The following XYLT1 variants were observed in gnomAD, a reference collection of about 807,000 sequenced individuals.
XYLT1 encodes the protein beta-D-xylosyltransferase 1.
A neutral mutation model predicts 91.3 loss-of-function variants in XYLT1; 36 were observed. The ratio of observed to expected loss-of-function variants is 0.39; its 90% CI spans 0.30 to 0.52. The LOEUF (loss-of-function observed/expected upper bound fraction) is 0.52, where lower values mean the gene tolerates loss of function less well. Ranked by LOEUF, XYLT1 falls within the 20% of genes least tolerant of loss-of-function variation. The pLI is 0.68. For synonymous variants in XYLT1, 588 were observed against 532.0 expected (o/e 1.11, Z -1.45); for missense variants, 1,242 against 1,284.5 (o/e 0.97, Z 0.51).
chr16:17,253,859 A>AGAGC (rs1555491315), intron 3 of XYLT1, among the ~76,000 whole-genome samples: 11,666 of 146,058 alleles, frequency 0.08, 574 homozygotes, highest in Middle Eastern at 0.1. Flanking sequence ...AGAGAGAGAG[A>AGAGC]GAGCGAGCCT....
chr16:17,397,827 CTTTTTT>C (rs749199983), intron 1 of XYLT1, among the ~76,000 whole-genome samples: 1 of 108,730 alleles, frequency 9.2e-6, no homozygotes. Flanking sequence ...TTGAATAGCT[CTTTTTT>C]TTTTTTTTTT....
intron 1 of XYLT1, among the ~76,000 whole-genome samples, chr16:17,426,802 G>C (rs568470670): frequency 6.6e-6 from 1 of 152,260 alleles, no homozygotes; most frequent in South Asian, 2.1e-4. Flanking sequence ...AACATTCACA[G>C]ACCTCTCATA....
At chr16:17,125,310 G>C (rs1204690366) in intron 10 of XYLT1, among the ~76,000 whole-genome samples, 1 of 152,138 alleles carries the variant, frequency 6.6e-6, no homozygotes, top group African/African-American at 2.4e-5. Flanking sequence ...ACACTGCTCT[G>C]TCCATCCGAG....
chr16:17,234,375 C>A (rs563491676), intron 3 of XYLT1, among the ~76,000 whole-genome samples: 1 of 152,324 alleles, frequency 6.6e-6, no homozygotes, highest in African/African-American at 2.4e-5. Flanking sequence ...TGTTCAGTTA[C>A]ATCTTTGCCT....
rs183295874 is a variant in XYLT1 at position 17,107,673 on chromosome 16, G to A, written c.*1022C>T. On this transcript the variant is annotated 3_prime_UTR_variant, in exon 12 of 12. Transcript: ENST00000261381. ...GTGTGTCTGACCTCAGAACGGAAGG[G>A]CTCTGGCAGGGGATGGGTGCTGCTG... The A allele has an allele frequency of 5.4e-4, 82 of 152,986 alleles. No homozygotes were observed. Among genetic ancestry groups the A allele is most frequent in the Non-Finnish European group, 1.0e-3 (68 of 68,202 alleles). The allele number at this position is 152,986 out of a possible 1,614,324, so 9.5% of individuals were successfully genotyped here.
Position 17,186,417 on chromosome 16 carries a change from G to A in XYLT1, c.1289+11795C>T, listed in dbSNP as rs562066120. Among the ~76,000 whole-genome samples the A allele has an allele frequency of 7.3e-5, 11 of 150,462 alleles. No homozygotes were observed. In the South Asian group the frequency reaches 2.1e-3, roughly 29 times the overall value. On this transcript the variant is annotated intron_variant, in intron 5 of 11. Transcript: ENST00000261381. ...CATGCCCAGCCGATTTCTTTATTTT[G>A]AGCCTCCCAAGTATCTGGCGTTACA...
chr16:17,301,873 G>T (rs116339866), intron 2 of XYLT1, among the ~76,000 whole-genome samples: 1 of 152,244 alleles, frequency 6.6e-6, no homozygotes, highest in African/African-American at 2.4e-5. Context: ...TGCTCCAGTG[G>T]TGCTTGGAGA....
At chr16:17,404,030 C>A (rs889069692) in intron 1 of XYLT1, among the ~76,000 whole-genome samples, 5 of 152,146 alleles carry the variant, frequency 3.3e-5, no homozygotes, top group Admixed American at 1.3e-4. Context: ...TTAAACCCCT[C>A]CTGGGAAACC....
chr16:17,258,858 G>A (rs946059056), intron 3 of XYLT1, 130 bp downstream of exon 3: 11 of 1,143,860 alleles, frequency 9.6e-6, no homozygotes, highest in African/African-American at 7.8e-5. Context: ...CAGATCTCGT[G>A]TGCTCATCTG....
At chr16:17,463,849 G>T (rs902327645) in intron 1 of XYLT1, among the ~76,000 whole-genome samples, 1 of 152,228 alleles carries the variant, frequency 6.6e-6, no homozygotes, top group African/African-American at 2.4e-5. Flanking sequence ...GTGCCCATCG[G>T]TGGATGAATG....
chr16:17,338,153 C>G, intron 2 of XYLT1: 1 of 455,906 alleles, frequency 2.2e-6, no homozygotes, highest in South Asian at 1.6e-5. Flanking sequence ...TTTATCATAA[C>G]TCCCCTGAAC....
intron 10 of XYLT1, among the ~76,000 whole-genome samples, chr16:17,125,317 C>T (rs571509499): frequency 1.5e-4 from 23 of 152,298 alleles, no homozygotes; most frequent in Non-Finnish European, 2.2e-4. Flanking sequence ...TCTGTCCATC[C>T]GAGTGGAAGC....
rs1449178209 is a variant in XYLT1, at chr16:17,106,128, C to G, written c.*2567G>C. Reference sequence around the variant, plus strand: ...CAGCTCTGCCATTTCTCCACTTGTTCCAGGATAAAAACAAAAAAAGGCAGA... The same window carrying G: ...CAGCTCTGCCATTTCTCCACTTGTTGCAGGATAAAAACAAAAAAAGGCAGA... On this transcript the variant is annotated 3_prime_UTR_variant, in exon 12 of 12. Coordinates refer to ENST00000261381, the MANE Select transcript of XYLT1 (RefSeq NM_022166.4). The G allele has an allele frequency of 1.3e-5, 2 of 152,132 alleles. No individual in the cohort carries two copies. Among genetic ancestry groups the G allele is most frequent in the Non-Finnish European group, 1.5e-5 (1 of 68,038 alleles). 9.4% of individuals were successfully genotyped at this position (152,132 alleles called of 1,614,324 possible).
intron 3 of XYLT1, among the ~76,000 whole-genome samples, chr16:17,217,438 A>C (rs1268162820): frequency 3.3e-5 from 5 of 152,250 alleles, no homozygotes; most frequent in Admixed American, 3.3e-4. Flanking sequence ...AACATTTTGC[A>C]AATAGTTTTA....
At chr16:17,265,925 A>G (rs1383516399) in intron 2 of XYLT1, among the ~76,000 whole-genome samples, 1 of 152,144 alleles carries the variant, frequency 6.6e-6, no homozygotes, top group East Asian at 1.9e-4. Flanking sequence ...GCATTAGCTG[A>G]TGTCCAATTT....
chr16:17,399,569 C>A (rs562120969), intron 1 of XYLT1, among the ~76,000 whole-genome samples: 7 of 152,354 alleles, frequency 4.6e-5, no homozygotes, highest in Non-Finnish European at 7.3e-5. Flanking sequence ...CAGCATCATG[C>A]CCCGGTTGCA....
chr16:17,322,182 A>G (rs919733825), intron 2 of XYLT1, among the ~76,000 whole-genome samples: 14 of 152,172 alleles, frequency 9.2e-5, no homozygotes, highest in African/African-American at 3.4e-4. Context: ...AAGGTTAGGT[A>G]ACTAGGCCAA....
intron 7 of XYLT1, 83 bp downstream of exon 7, chr16:17,141,070 T>C: frequency 7.1e-7 from 1 of 1,398,828 alleles, no homozygotes; most frequent in Non-Finnish European, 9.9e-7. Flanking sequence ...CAGAATCTCT[T>C]TGCCAAAAAT....
chr16:17,154,793 CAAATTGGCTGCT>C (rs1344442154), intron 6 of XYLT1, among the ~76,000 whole-genome samples: 2 of 152,122 alleles, frequency 1.3e-5, no homozygotes, highest in East Asian at 1.9e-4. Flanking sequence ...GCCAGAAGTC[CAAATTGGCTGCT>C]AAAGGTTGGA....
Sources: allele counts gnomAD v4.1 joint callset (sites outside exome capture counted in the v4.1 genomes callset), GRCh38; gene constraint gnomAD v4.1.1; transcripts MANE v1.5; gene names NCBI Gene and HGNC (gene_info 2026-07-23, HGNC 2026-07-21).